L3MBTL3: variants seen among roughly 807,000 people sequenced by gnomAD.
L3MBTL3 encodes lethal(3)malignant brain tumor-like protein 3.
In L3MBTL3, 27 loss-of-function variants were observed where a neutral mutation model predicts 102.3. The ratio of observed to expected loss-of-function variants is 0.26; its 90% CI spans 0.19 to 0.36. The LOEUF (loss-of-function observed/expected upper bound fraction) is 0.36. Ranked by LOEUF, L3MBTL3 falls within the 10% of genes least tolerant of loss-of-function variation. The pLI is 1.00. For missense variants in L3MBTL3, 798 were observed against 955.3 expected (o/e 0.84, Z 2.17); for synonymous variants, 340 against 320.9 (o/e 1.06, Z -0.64).
intron 19 of L3MBTL3, among the ~76,000 whole-genome samples, chr6:130,106,750 C>G (rs1374248673): frequency 1.3e-5 from 2 of 152,164 alleles, no homozygotes; most frequent in Non-Finnish European, 2.9e-5. Context: ...CACATTTTTT[C>G]CAAGAGGTCA....
At chr6:130,098,869 T>C (rs79259990) in intron 18 of L3MBTL3, among the ~76,000 whole-genome samples, 8,222 of 150,406 alleles carry the variant, frequency 0.055, 320 homozygotes, top group Admixed American at 0.13. Flanking sequence ...TTTTCTTTTT[T>C]TTTTTTTTTT....
chr6:130,065,291 A>G (rs1011606830), intron 10 of L3MBTL3, among the ~76,000 whole-genome samples: 4 of 152,218 alleles, frequency 2.6e-5, no homozygotes, highest in Non-Finnish European at 2.9e-5. Flanking sequence ...GTGTTTACAT[A>G]TGTATGCATA....
intron 11 of L3MBTL3, among the ~76,000 whole-genome samples, chr6:130,067,294 A>G (rs557003949): frequency 1.3e-5 from 2 of 152,106 alleles, no homozygotes; most frequent in East Asian, 1.9e-4. Context: ...TTGTGTTTTT[A>G]TTAGAGACAG....
Position 130,133,706 on chromosome 6 carries a change from T to C in L3MBTL3, c.2136+85T>C. The C allele has an allele frequency of 6.5e-7, 1 of 1,538,778 alleles. No individual in the cohort carries two copies. Among genetic ancestry groups the C allele is most frequent in the Non-Finnish European group, 8.9e-7 (1 of 1,128,150 alleles). ...TGGAACATTGAGCGTAGGTAGCGTT[T>C]AGTCTTTTTTTTTCTGAAAGAGAAG... On this transcript the variant is annotated intron_variant, in intron 21 of 22. Coordinates refer to ENST00000361794, the MANE Select transcript of L3MBTL3 (RefSeq NM_032438.4). The surrounding 1 kb of genome is among the most constrained non-coding windows in gnomAD (Gnocchi z 4.9).
intron 19 of L3MBTL3, among the ~76,000 whole-genome samples, chr6:130,117,407 A>C (rs1010672641): frequency 6.6e-6 from 1 of 151,828 alleles, no homozygotes; most frequent in African/African-American, 2.4e-5. Flanking sequence ...AGTCTTTGCT[A>C]TTGTGAATAA....
chr6:130,045,986 C>T (rs952256358), intron 3 of L3MBTL3, among the ~76,000 whole-genome samples: 1 of 152,150 alleles, frequency 6.6e-6, no homozygotes, highest in African/African-American at 2.4e-5. Context: ...AATGCAAATT[C>T]GTATTTGTAG....
chr6:130,088,441 T>C (rs1345815469), intron 16 of L3MBTL3, among the ~76,000 whole-genome samples: 1 of 152,198 alleles, frequency 6.6e-6, no homozygotes, highest in Non-Finnish European at 1.5e-5. Context: ...GAGGAAAATG[T>C]AGACCAAGTT....
chr6:130,092,470 G>C (rs971545948), intron 16 of L3MBTL3, among the ~76,000 whole-genome samples: 2 of 152,050 alleles, frequency 1.3e-5, no homozygotes, highest in Admixed American at 6.6e-5. Flanking sequence ...GTTGCTCATG[G>C]TGTTGAGAAA....
chr6:130,033,912 A>G (rs756621123), intron 2 of L3MBTL3, among the ~76,000 whole-genome samples: 2 of 152,264 alleles, frequency 1.3e-5, no homozygotes, highest in Admixed American at 6.5e-5. Flanking sequence ...TGGTTGGGCT[A>G]CAGTCAGTAC....
intron 2 of L3MBTL3, among the ~76,000 whole-genome samples, chr6:130,030,687 A>G (rs1779663846): frequency 6.6e-6 from 1 of 151,198 alleles, no homozygotes; most frequent in African/African-American, 2.4e-5. Flanking sequence ...AAAAAAAAAA[A>G]AAAAAAAGAT....
Position 130,068,421 on chromosome 6 carries a change from A to G in L3MBTL3, c.1092A>G (p.Ile364Met). The G allele has an allele frequency of 2.0e-6, 3 of 1,532,554 alleles. No homozygotes were observed. The Admixed American group carries it at 5.0e-5, about 26-fold the overall frequency. The allele number at this position is 1,532,554 out of a possible 1,614,324, so 94.9% of individuals were successfully genotyped here. A position where few individuals can be genotyped will look rare whatever the true frequency, so the allele number is the denominator to read the frequency against. The change falls in exon 12 of 23, where the codon ATA becomes ATG. Residue 364 changes from isoleucine to methionine, a missense_variant and splice_region_variant. Physicochemically the swap from Ile to Met is conservative, Grantham distance 10 (BLOSUM62 1). This residue lies in a region of L3MBTL3 where 434 missense variants were observed against 506.6 expected (regional missense o/e 0.86). Coordinates refer to ENST00000361794, the MANE Select transcript of L3MBTL3 (RefSeq NM_032438.4). ...APKSLFENQN[I>M]TVIPSGFRVG... ...AGTCATTATTTGAAAATCAGAATAT[A>G]GTAAGTACATACGAAACACGTTTTC...
At chr6:130,089,735 CT>C (rs1439091371) in intron 16 of L3MBTL3, among the ~76,000 whole-genome samples, 1 of 151,828 alleles carries the variant, frequency 6.6e-6, no homozygotes, top group African/African-American at 2.4e-5. Context: ...CTGTTGTTTC[CT>C]GACTTTTTAA....
intron 18 of L3MBTL3, among the ~76,000 whole-genome samples, chr6:130,099,803 C>T (rs560154509): frequency 9.1e-4 from 139 of 152,242 alleles, no homozygotes; most frequent in African/African-American, 3.2e-3. Flanking sequence ...TGCCGGTGTC[C>T]TCATTTATAA....
intron 13 of L3MBTL3, among the ~76,000 whole-genome samples, chr6:130,074,862 A>C (rs751430270): frequency 6.6e-6 from 1 of 152,232 alleles, no homozygotes; most frequent in Non-Finnish European, 1.5e-5. Context: ...GAAAAGGGTT[A>C]TTAGTGAATT....
intron 2 of L3MBTL3, among the ~76,000 whole-genome samples, chr6:130,040,856 TTAA>T (rs1176811236): frequency 2.0e-5 from 3 of 152,226 alleles, no homozygotes. Context: ...ATATCAAGAC[TTAA>T]TAACATTTAT....
chr6:130,092,966 T>G, intron 17 of L3MBTL3, 107 bp downstream of exon 17: 1 of 664,478 alleles, frequency 1.5e-6, no homozygotes, highest in Non-Finnish European at 2.7e-6. Context: ...TACTGATGTT[T>G]CTTCTCTATG....
At chr6:130,064,590 A>T (rs979660609) in intron 10 of L3MBTL3, among the ~76,000 whole-genome samples, 3 of 152,158 alleles carry the variant, frequency 2.0e-5, no homozygotes, top group Admixed American at 1.3e-4. Context: ...GAAGAAGAGG[A>T]GGAGAGTTGC....
chr6:130,133,933 T>A lies in L3MBTL3; in HGVS notation c.2199+28T>A, dbSNP rs1184710786. 1 of 1,542,964 alleles carries A rather than the reference T, an allele frequency of 6.5e-7. No homozygotes were observed. Among genetic ancestry groups the A allele is most frequent in the Non-Finnish European group, 9.0e-7 (1 of 1,115,970 alleles). On this transcript the variant is annotated intron_variant, in intron 22 of 22. Coordinates refer to ENST00000361794, the MANE Select transcript of L3MBTL3 (RefSeq NM_032438.4). This position sits in a 1 kb window ranked among gnomAD's most constrained non-coding sequence, Gnocchi z 4.9. ...AAGTATTCCACTAAATTGCAATATG[T>A]TACTTAATGGGATCAAAGCACTGAA...
Position 130,125,169 on chromosome 6 carries a change from A to T in L3MBTL3, c.1966+4211A>T, listed in dbSNP as rs371713039. 2.0e-5 allele frequency among the ~76,000 whole-genome samples: 3 copies of T among 152,224 alleles called. No individual in the cohort carries two copies. In the East Asian group the frequency reaches 5.8e-4, roughly 29 times the overall value. On this transcript the variant is annotated intron_variant, in intron 20 of 22. Coordinates refer to ENST00000361794, the MANE Select transcript of L3MBTL3 (RefSeq NM_032438.4). ...GGTGGGGAGTAACTATTGCCAACCA[A>T]TATGGAAGTATTTTAATATTTTAAC...
Sources: gnomAD v4.1 joint callset for allele counts (sites outside exome capture counted in the v4.1 genomes callset) on GRCh38, gnomAD v4.1.1 for gene constraint, gnomAD v4.1.1 regional missense constraint, Gnocchi (gnomAD v3.1) non-coding constraint, MANE v1.5 for transcripts, NCBI Gene and HGNC (gene_info 2026-07-23, HGNC 2026-07-21) for gene names.